The following PCDHA2 variants were observed in gnomAD, a reference collection of about 807,000 sequenced individuals.
The protein encoded by PCDHA2 is protocadherin alpha-2.
PCDHA2 carries 58 observed loss-of-function variants against 66.0 expected under a neutral mutation model. The ratio of observed to expected loss-of-function variants is 0.88; its 90% CI spans 0.71 to 1.09. The LOEUF (loss-of-function observed/expected upper bound fraction) is 1.09. Among genes scored for constraint, PCDHA2 ranks in the 50% least tolerant of loss-of-function variants. The pLI is 0.00. For synonymous variants in PCDHA2, 634 were observed against 554.0 expected, an observed-to-expected ratio of 1.14 and a Z score of -2.03; for missense variants, 1,267 against 1,242.3, an observed-to-expected ratio of 1.02 and a Z score of -0.30.
In PCDHA2 at chr5:140,929,213, A is replaced by T. The variant is rs199608631; in HGVS notation, c.2389-49736A>T. On this transcript the variant is annotated intron_variant, in intron 1 of 3. Coordinates refer to ENST00000526136, the MANE Select transcript of PCDHA2 (RefSeq NM_018905.3). ...AATAACAGTTTGCTGTTGCGTGGGG[A>T]GTACAATGCTGCCGACCTGCGAAAT... 3 of 1,614,052 alleles carry T rather than the reference A, an allele frequency of 1.9e-6. No homozygotes were observed. The East Asian group carries it at 6.7e-5, about 36-fold the overall frequency.
At chr5:140,892,980 G>A (rs568292110) in intron 1 of PCDHA2, among the ~76,000 whole-genome samples, 4 of 152,030 alleles carry the variant, frequency 2.6e-5, no homozygotes, top group Admixed American at 6.6e-5. Context: ...TGTAGCTGCC[G>A]TATAAGTGAG....
Position 140,882,272 on chromosome 5 carries a change from C to G in PCDHA2, c.2388+84920C>G, listed in dbSNP as rs782377951. On this transcript the variant is annotated intron_variant, in intron 1 of 3. Transcript: ENST00000526136. ...TCTGAGGTTTTTGGAGTGTACCATG[C>G]TGTCTTCCTGGCAAGGAGGCCCAAG... The G allele has an allele frequency of 5.0e-6, 8 of 1,611,430 alleles. No individual in the cohort carries two copies. The highest frequency in any genetic ancestry group is 6.8e-6 in the Non-Finnish European group (8 of 1,178,456).
chr5:140,887,025 T>G (rs1352119867), intron 1 of PCDHA2, among the ~76,000 whole-genome samples: 3 of 152,076 alleles, frequency 2.0e-5, no homozygotes, highest in Non-Finnish European at 4.4e-5. Context: ...CCTGAAAAAT[T>G]TCTTTAATAT....
At chr5:140,902,669 T>C (rs767769713) in intron 1 of PCDHA2, among the ~76,000 whole-genome samples, 1 of 152,166 alleles carries the variant, frequency 6.6e-6, no homozygotes, top group Non-Finnish European at 1.5e-5. Flanking sequence ...ACCCAAGCAG[T>C]GTACACCGTA....
chr5:140,876,541 C>T, intron 1 of PCDHA2: 1 of 1,614,188 alleles, frequency 6.2e-7, no homozygotes, highest in Non-Finnish European at 8.5e-7. Context: ...TTCACTGTCG[C>T]TCCCTGTGCA....
At chr5:140,987,292 T>G (rs2097246000) in intron 3 of PCDHA2, among the ~76,000 whole-genome samples, 1 of 152,134 alleles carries the variant, frequency 6.6e-6, no homozygotes, top group African/African-American at 2.4e-5. Context: ...TTAACAAGCC[T>G]TCTATGTGAT....
intron 1 of PCDHA2, chr5:140,857,098 T>G: frequency 6.3e-7 from 1 of 1,597,572 alleles, no homozygotes; most frequent in Non-Finnish European, 8.6e-7. Context: ...CTGAGGTGAT[T>G]GTCACTTCTC....
rs558801074 is a variant in PCDHA2 at position 140,931,826 on chromosome 5, G to A, written c.2389-47123G>A. On this transcript the variant is annotated intron_variant, in intron 1 of 3. Transcript: ENST00000526136. ...TCTTTAGAAAAGAATTCTTGTCATA[G>A]TATCCTGAATGCCTTAATAACAACA... Among the ~76,000 whole-genome samples, 28 of 151,962 alleles carry A rather than the reference G, an allele frequency of 1.8e-4. No homozygotes were observed. In the South Asian group the frequency reaches 5.4e-3, roughly 29 times the overall value.
chr5:141,000,385 CTCTCTCTCTCTA>C (rs1405113604), intron 3 of PCDHA2, among the ~76,000 whole-genome samples: 12 of 64,976 alleles, frequency 1.8e-4, no homozygotes, highest in Admixed American at 6.0e-4. Context: ...CTCTCTCTCT[CTCTCTCTCTCTA>C]TATATATATA....
chr5:140,987,433 T>C (rs2097253895), intron 3 of PCDHA2, among the ~76,000 whole-genome samples: 1 of 152,108 alleles, frequency 6.6e-6, no homozygotes. Flanking sequence ...CAGGGGGCCT[T>C]TCCCCATGCC....
intron 1 of PCDHA2, among the ~76,000 whole-genome samples, chr5:140,840,240 T>A (rs1483870006): frequency 1.3e-5 from 2 of 152,050 alleles, no homozygotes; most frequent in Non-Finnish European, 2.9e-5. Context: ...GGAGAATCAC[T>A]ATGCTATAAA....
In PCDHA2 at chr5:140,802,547, C is replaced by T. The variant is rs781978011; in HGVS notation, c.2388+5195C>T. On this transcript the variant is annotated intron_variant, in intron 1 of 3. Coordinates refer to ENST00000526136, the MANE Select transcript of PCDHA2 (RefSeq NM_018905.3). ...CCGTGGAGGTGGCCGACGTGAACGA[C>T]AATGCGCCGGCATTCTCGCAGTCCG... The T allele has an allele frequency of 2.5e-6, 4 of 1,614,196 alleles. No individual in the cohort carries two copies. The Admixed American group carries it at 6.7e-5, about 27-fold the overall frequency.
At chr5:140,962,665 C>T (rs1457197885) in intron 1 of PCDHA2, among the ~76,000 whole-genome samples, 1 of 152,146 alleles carries the variant, frequency 6.6e-6, no homozygotes, top group African/African-American at 2.4e-5. Flanking sequence ...TTTTCATCTT[C>T]CCATCCACTG....
intron 1 of PCDHA2, chr5:140,830,426 T>G (rs2150186356): frequency 6.2e-7 from 1 of 1,613,866 alleles, no homozygotes; most frequent in Non-Finnish European, 8.5e-7. Flanking sequence ...CCTTTCACCT[T>G]GTCCTATTAT....
chr5:140,921,706 T>C (rs2080341352), intron 1 of PCDHA2, among the ~76,000 whole-genome samples: 1 of 152,148 alleles, frequency 6.6e-6, no homozygotes, highest in Non-Finnish European at 1.5e-5. Flanking sequence ...TTTTAAACAG[T>C]AAACACACGA....
intron 1 of PCDHA2, chr5:140,869,960 C>G: frequency 6.2e-7 from 1 of 1,612,264 alleles, no homozygotes; most frequent in Non-Finnish European, 8.5e-7. Flanking sequence ...TCAATTAAGC[C>G]CAATGGAAGA....
intron 3 of PCDHA2, among the ~76,000 whole-genome samples, chr5:140,988,678 T>G (rs190740461): frequency 6.6e-6 from 1 of 152,314 alleles, no homozygotes. Context: ...CTAAGATAAT[T>G]CTTTCCCTAG....
chr5:140,900,446 T>G (rs1344652526), intron 1 of PCDHA2, among the ~76,000 whole-genome samples: 1 of 152,154 alleles, frequency 6.6e-6, no homozygotes, highest in Non-Finnish European at 1.5e-5. Flanking sequence ...GCCGGCTAAT[T>G]TTTTATTTTT....
intron 1 of PCDHA2, among the ~76,000 whole-genome samples, chr5:140,797,819 T>G (rs1198926171): frequency 3.3e-5 from 5 of 152,158 alleles, no homozygotes; most frequent in African/African-American, 1.2e-4. Flanking sequence ...ACAATGCCCT[T>G]GTCTATGCAA....
Sources: gnomAD v4.1 joint callset for allele counts (sites outside exome capture counted in the v4.1 genomes callset) on GRCh38, gnomAD v4.1.1 for gene constraint, MANE v1.5 for transcripts, NCBI Gene and HGNC (gene_info 2026-07-23, HGNC 2026-07-21) for gene names.